Variants in RPS6KC1 observed in about 807,000 individuals in gnomAD.
RPS6KC1 encodes inactive ribosomal protein S6 kinase delta-1.
In RPS6KC1, 54 loss-of-function variants were observed where a neutral mutation model predicts 103.8. The ratio of observed to expected loss-of-function variants is 0.52; its 90% CI spans 0.42 to 0.65. The LOEUF (loss-of-function observed/expected upper bound fraction) is 0.65, where lower values mean the gene tolerates loss of function less well. RPS6KC1 is among the 30% of genes least tolerant of loss of function. The probability of loss-of-function intolerance (pLI) is 0.00; values close to 1 mark genes in which losing one functional copy is unlikely to be tolerated. For missense variants in RPS6KC1, 1,151 were observed against 1,253.8 expected, an observed-to-expected ratio of 0.92 and a Z score of 1.24; for synonymous variants, 439 against 438.7, an observed-to-expected ratio of 1.00 and a Z score of -0.01.
intron 14 of RPS6KC1, among the ~76,000 whole-genome samples, chr1:213,268,998 C>T (rs938471284): frequency 2.6e-5 from 4 of 152,132 alleles, no homozygotes; most frequent in Admixed American, 6.5e-5. Context: ...ATAAACCCAC[C>T]GTGTCAATAA....
the RPS6KC1 span, among the ~76,000 whole-genome samples, chr1:213,651,787 ATTAGTAAGGTTCAACTC>A: frequency 1.2e-3 from 176 of 152,310 alleles, no homozygotes; most frequent in Middle Eastern, 6.8e-3. Context: ...AAAACATGGA[ATTAGTAAGGTTCAACTC>A]TTGTAAGCAA....
chr1:213,825,469 G>A, the RPS6KC1 span, among the ~76,000 whole-genome samples: 21 of 152,284 alleles, frequency 1.4e-4, no homozygotes, highest in East Asian at 3.9e-4. Context: ...GGAAGAACCC[G>A]GTGCTAGAGG....
the RPS6KC1 span, among the ~76,000 whole-genome samples, chr1:213,600,643 C>T: frequency 6.6e-6 from 1 of 152,136 alleles, no homozygotes; most frequent in Non-Finnish European, 1.5e-5. Flanking sequence ...TCCTGTCTAT[C>T]CCCACCTTAA....
At chr1:213,779,267 G>A in the RPS6KC1 span, among the ~76,000 whole-genome samples, 1 of 152,116 alleles carries the variant, frequency 6.6e-6, no homozygotes, top group Admixed American at 6.5e-5. Flanking sequence ...TGAACACCTG[G>A]AGGAAAAACA....
intron 8 of RPS6KC1, among the ~76,000 whole-genome samples, chr1:213,182,590 A>G (rs1211625428): frequency 2.0e-5 from 3 of 152,014 alleles, no homozygotes; most frequent in Non-Finnish European, 2.9e-5. Flanking sequence ...GAGAACAAAC[A>G]GAACGCAAAA....
intron 6 of RPS6KC1, among the ~76,000 whole-genome samples, chr1:213,148,965 A>G (rs1177370548): frequency 1.3e-5 from 2 of 152,166 alleles, no homozygotes; most frequent in Non-Finnish European, 2.9e-5. Context: ...ATTGACATAT[A>G]GTTGCACATA....
At chr1:213,568,922 C>A in the RPS6KC1 span, among the ~76,000 whole-genome samples, 1 of 152,322 alleles carries the variant, frequency 6.6e-6, no homozygotes, top group African/African-American at 2.4e-5. Flanking sequence ...TGCCAACAAC[C>A]ATGAGCGGGA....
intron 2 of RPS6KC1, among the ~76,000 whole-genome samples, chr1:213,072,157 A>G (rs1223181270): frequency 4.6e-5 from 7 of 151,558 alleles, no homozygotes; most frequent in Non-Finnish European, 1.0e-4. Context: ...TTTTTTCCAC[A>G]ATTAAATATG....
chr1:213,502,731 A>G, the RPS6KC1 span, among the ~76,000 whole-genome samples: 1 of 152,216 alleles, frequency 6.6e-6, no homozygotes, highest in Admixed American at 6.5e-5. Context: ...ATGAGATTCC[A>G]CTAAAAGTTA....
At chr1:213,130,008 C>G (rs1207791411) in intron 6 of RPS6KC1, 119 bp downstream of exon 6, 3 of 1,052,620 alleles carry the variant, frequency 2.9e-6, no homozygotes, top group Non-Finnish European at 4.0e-6. Context: ...TGAGAAATTA[C>G]TGAAGCTTAA....
chr1:213,579,121 A>G, the RPS6KC1 span, among the ~76,000 whole-genome samples: 2 of 152,008 alleles, frequency 1.3e-5, no homozygotes, highest in Non-Finnish European at 2.9e-5. Flanking sequence ...ATGGTTTTAT[A>G]AATTACACTT....
the RPS6KC1 span, among the ~76,000 whole-genome samples, chr1:213,707,370 C>A: frequency 6.6e-6 from 1 of 151,990 alleles, no homozygotes; most frequent in Non-Finnish European, 1.5e-5. Context: ...TCTGTTCACA[C>A]CCTTCACCCA....
the RPS6KC1 span, among the ~76,000 whole-genome samples, chr1:213,556,289 A>C: frequency 1.3e-5 from 2 of 152,204 alleles, no homozygotes; most frequent in African/African-American, 4.8e-5. Context: ...GAAACATGTA[A>C]AGAATGGGAT....
chr1:213,237,815 GA>G (rs1473771746), intron 10 of RPS6KC1, among the ~76,000 whole-genome samples: 1 of 151,952 alleles, frequency 6.6e-6, no homozygotes, highest in Non-Finnish European at 1.5e-5. Context: ...AAAAGACTTA[GA>G]AAAGTATCAT....
chr1:213,678,088 C>T, the RPS6KC1 span, among the ~76,000 whole-genome samples: 5 of 151,840 alleles, frequency 3.3e-5, no homozygotes, highest in South Asian at 2.1e-4. Context: ...TTTCTTGTTT[C>T]GTTTAAACCG....
the RPS6KC1 span, among the ~76,000 whole-genome samples, chr1:213,481,094 T>TGTAC: frequency 6.6e-6 from 1 of 152,192 alleles, no homozygotes; most frequent in Non-Finnish European, 1.5e-5. Context: ...CTGTTACTTC[T>TGTAC]TGTTTGCATT....
the RPS6KC1 span, among the ~76,000 whole-genome samples, chr1:213,776,130 G>A: frequency 3.1e-4 from 47 of 152,234 alleles, no homozygotes; most frequent in East Asian, 8.7e-3. Context: ...TCATCCATGA[G>A]GGTTTGAATC....
intron 8 of RPS6KC1, among the ~76,000 whole-genome samples, chr1:213,199,265 C>G (rs2093062899): frequency 6.6e-6 from 1 of 152,156 alleles, no homozygotes; most frequent in Non-Finnish European, 1.5e-5. Flanking sequence ...CAAATTGAAT[C>G]CAGCACCACA....
At chr1:213,658,410 A>G in the RPS6KC1 span, among the ~76,000 whole-genome samples, 5 of 152,180 alleles carry the variant, frequency 3.3e-5, no homozygotes, top group African/African-American at 1.2e-4. Flanking sequence ...GGGGTTGAAG[A>G]GCGAGCACTG....
Sources: gnomAD v4.1 joint callset for allele counts (sites outside exome capture counted in the v4.1 genomes callset) on GRCh38, gnomAD v4.1.1 for gene constraint, MANE v1.5 for transcripts, NCBI Gene and HGNC (gene_info 2026-07-23, HGNC 2026-07-21) for gene names.